The following CDH13 variants were observed in gnomAD, a reference collection of about 807,000 sequenced individuals.
CDH13 encodes the protein cadherin 13, also known as cadherin-13.
CDH13 carries 24 observed loss-of-function variants against 63.8 expected under a neutral mutation model. The ratio of observed to expected loss-of-function variants is 0.38; its 90% CI spans 0.27 to 0.53. The LOEUF (loss-of-function observed/expected upper bound fraction) is 0.53. Ranked by LOEUF, CDH13 falls within the 20% of genes least tolerant of loss-of-function variation. The pLI, the probability that CDH13 is intolerant of heterozygous loss-of-function variation, is 0.85. For synonymous variants in CDH13, 503 were observed against 355.3 expected, an observed-to-expected ratio of 1.42 and a Z score of -4.67; for missense variants, 1,049 against 903.1, an observed-to-expected ratio of 1.16 and a Z score of -2.07.
intron 5 of CDH13, among the ~76,000 whole-genome samples, chr16:83,246,371 C>T (rs971998529): frequency 2.0e-5 from 3 of 152,118 alleles, no homozygotes; most frequent in South Asian, 2.1e-4. Context: ...CTGCTCCTTC[C>T]ATTTGCATTT....
intron 1 of CDH13, among the ~76,000 whole-genome samples, chr16:82,698,407 T>C (rs1449838074): frequency 2.6e-5 from 4 of 152,232 alleles, no homozygotes; most frequent in Admixed American, 2.6e-4. Flanking sequence ...TTTTGCTCTG[T>C]GACAGACAAC....
intron 10 of CDH13, among the ~76,000 whole-genome samples, chr16:83,714,147 C>T (rs374597095): frequency 3.3e-5 from 5 of 152,292 alleles, no homozygotes; most frequent in African/African-American, 1.2e-4. Context: ...AAAATAGATG[C>T]CGCAGAAGCC....
At chr16:82,944,857 T>C (rs1904521233) in intron 2 of CDH13, among the ~76,000 whole-genome samples, 1 of 152,160 alleles carries the variant, frequency 6.6e-6, no homozygotes, top group Non-Finnish European at 1.5e-5. Flanking sequence ...CCCTACTTCA[T>C]TTCACAAGGT....
At chr16:82,777,579 G>A (rs527686079) in intron 1 of CDH13, among the ~76,000 whole-genome samples, 1 of 152,156 alleles carries the variant, frequency 6.6e-6, no homozygotes, top group African/African-American at 2.4e-5. Context: ...GTAATCTATG[G>A]TTATACAACA....
chr16:83,320,827 T>C (rs759610846), intron 5 of CDH13, among the ~76,000 whole-genome samples: 4 of 152,156 alleles, frequency 2.6e-5, no homozygotes, highest in African/African-American at 4.8e-5. Flanking sequence ...ATTAGATCTC[T>C]GGCTTAGGCT....
At chr16:82,672,786 C>CAA (rs1913411836) in intron 1 of CDH13, among the ~76,000 whole-genome samples, 1 of 149,560 alleles carries the variant, frequency 6.7e-6, no homozygotes, top group African/African-American at 2.5e-5. Context: ...CACACACACA[C>CAA]ACACACACAC....
intron 2 of CDH13, among the ~76,000 whole-genome samples, chr16:82,997,422 C>A (rs888026316): frequency 6.6e-6 from 1 of 151,934 alleles, no homozygotes; most frequent in Non-Finnish European, 1.5e-5. Context: ...TACGAAAAAT[C>A]TCAGTAATTA....
At chr16:83,689,840 T>C (rs1025681103) in intron 10 of CDH13, among the ~76,000 whole-genome samples, 10 of 152,192 alleles carry the variant, frequency 6.6e-5, no homozygotes, top group African/African-American at 2.4e-4. Flanking sequence ...ACCTGCAACA[T>C]ACTGGGTGCT....
intron 8 of CDH13, among the ~76,000 whole-genome samples, chr16:83,603,323 T>C (rs781640692): frequency 6.6e-6 from 1 of 152,196 alleles, no homozygotes; most frequent in South Asian, 2.1e-4. Context: ...GTGAAGAATA[T>C]GGAATAGGTA....
In CDH13 at chr16:83,662,745, G is replaced by C. The variant is rs1421348391; in HGVS notation, c.1102-8045G>C. ...ATCAAAGGGACCACTCACCTGATGAGATCAGTAGACATCTTCAGAGTTGTT... is the reference window on the plus strand; with the variant it reads ...ATCAAAGGGACCACTCACCTGATGACATCAGTAGACATCTTCAGAGTTGTT... On this transcript the variant is annotated intron_variant, in intron 8 of 13. Coordinates refer to ENST00000567109, the MANE Select transcript of CDH13 (RefSeq NM_001257.5). 2.0e-5 allele frequency among the ~76,000 whole-genome samples: 3 copies of C among 152,188 alleles called. No individual in the cohort carries two copies. In the South Asian group the frequency reaches 6.2e-4, roughly 32 times the overall value.
intron 6 of CDH13, among the ~76,000 whole-genome samples, chr16:83,472,187 C>T (rs1381041097): frequency 6.6e-6 from 1 of 152,166 alleles, no homozygotes; most frequent in Non-Finnish European, 1.5e-5. Flanking sequence ...ACCTCAGGCT[C>T]ACTGTTGTCC....
intron 7 of CDH13, among the ~76,000 whole-genome samples, chr16:83,576,849 C>T (rs1379403797): frequency 2.0e-5 from 3 of 152,180 alleles, no homozygotes; most frequent in Admixed American, 1.3e-4. Context: ...TACATTTTAA[C>T]TATGTTGTAG....
chr16:83,093,043 CTCT>C (rs2033997110), intron 3 of CDH13, among the ~76,000 whole-genome samples: 1 of 152,074 alleles, frequency 6.6e-6, no homozygotes, highest in African/African-American at 2.4e-5. Context: ...CCTTATTTTT[CTCT>C]TCTTCATTAT....
intron 7 of CDH13, among the ~76,000 whole-genome samples, chr16:83,574,836 A>G (rs1192820807): frequency 2.0e-5 from 3 of 152,144 alleles, no homozygotes; most frequent in South Asian, 4.1e-4. Flanking sequence ...TGCAATATCC[A>G]TGAACTCCAG....
At chr16:83,269,154 T>A (rs900681368) in intron 5 of CDH13, among the ~76,000 whole-genome samples, 1 of 152,212 alleles carries the variant, frequency 6.6e-6, no homozygotes, top group Non-Finnish European at 1.5e-5. Context: ...TCCTAGTTTT[T>A]GGAAATGTGA....
At chr16:83,576,363 A>G (rs1905085262) in intron 7 of CDH13, among the ~76,000 whole-genome samples, 1 of 152,192 alleles carries the variant, frequency 6.6e-6, no homozygotes, top group South Asian at 2.1e-4. Context: ...ATGGCTGAAT[A>G]ATATTTTCTT....
rs182706874 is a variant in CDH13, at chr16:82,848,707, A to G, written c.46-9655A>G. Among the ~76,000 whole-genome samples, 15 of 152,078 alleles carry G rather than the reference A, an allele frequency of 9.9e-5. No individual in the cohort carries two copies. In the East Asian group the frequency reaches 2.5e-3, roughly 25 times the overall value. Reference sequence around the variant, plus strand: ...TGTCTCCTTCTCCTCCAAACATCCTATTTCCTGAAACACAGCAATATTGAA... The same window carrying G: ...TGTCTCCTTCTCCTCCAAACATCCTGTTTCCTGAAACACAGCAATATTGAA... On this transcript the variant is annotated intron_variant, in intron 1 of 13. Coordinates refer to ENST00000567109, the MANE Select transcript of CDH13 (RefSeq NM_001257.5).
At chr16:83,726,724 G>C (rs1166722860) in intron 10 of CDH13, among the ~76,000 whole-genome samples, 1 of 152,142 alleles carries the variant, frequency 6.6e-6, no homozygotes, top group Non-Finnish European at 1.5e-5. Flanking sequence ...TGTAGTCCCA[G>C]CTACTCGCGA....
At chr16:83,726,127 A>G (rs972856043) in intron 10 of CDH13, 6 of 152,216 alleles carry the variant, frequency 3.9e-5, no homozygotes, top group African/African-American at 9.7e-5. Flanking sequence ...GAATCTTCCC[A>G]CAAGGGATAA....
Sources: gnomAD v4.1 joint callset for allele counts (sites outside exome capture counted in the v4.1 genomes callset) on GRCh38, gnomAD v4.1.1 for gene constraint, MANE v1.5 for transcripts, NCBI Gene and HGNC (gene_info 2026-07-23, HGNC 2026-07-21) for gene names.